Variants in SMO observed in about 807,000 individuals in gnomAD.
SMO encodes smoothened, frizzled class receptor, also known as protein smoothened.
A neutral mutation model predicts 81.6 loss-of-function variants in SMO; 40 were observed. The observed-to-expected ratio is 0.49, with a 90% CI of 0.38 to 0.64. The LOEUF is 0.64. Ranked by LOEUF, SMO falls within the 30% of genes least tolerant of loss-of-function variation. The pLI is 0.00. For synonymous variants in SMO, 434 were observed against 432.1 expected (o/e 1.00, Z -0.05); for missense variants, 916 against 1,061.1 (o/e 0.86, Z 1.90).
Position 129,210,174 on chromosome 7 carries a change from AC to A in SMO, c.1467-185del. The A allele has an allele frequency of 1.8e-6, 1 of 562,000 alleles. No individual in the cohort carries two copies. 34.8% of individuals were successfully genotyped at this position (562,000 alleles called of 1,614,324 possible). A position where few individuals can be genotyped will look rare whatever the true frequency, so the allele number is the denominator to read the frequency against. On this transcript the variant is annotated intron_variant, in intron 8 of 11. Coordinates refer to ENST00000249373, the MANE Select transcript of SMO (RefSeq NM_005631.5). The surrounding 1 kb of genome is among the most constrained non-coding windows in gnomAD (Gnocchi z 4.7). The stretch of plus-strand genomic sequence containing the variant: ...TGAGTCTACCCAGTAGACTCAGAAA[AC>A]CCCACCTGTAGTCCCAGCTACTTGG...
rs774086868 is a variant in SMO, at chr7:129,212,221, T to C, written c.2134T>C (p.Cys712Arg). The change falls in exon 12 of 12, where the codon TGC becomes CGC. Residue 712 changes from cysteine (C) to arginine (R), a missense_variant. Coordinates refer to ENST00000249373, the MANE Select transcript of SMO (RefSeq NM_005631.5). The surrounding 1 kb of genome is among the most constrained non-coding windows in gnomAD (Gnocchi z 5.0). ...ACTGCCTCAGCTGCCCCGGCAGAAA[T>C]GCCTGGTGGCTGCAGGTGCCTGGGG... The part of the protein sequence containing the change: ...PRLPQLPRQK[C>R]LVAAGAWGAG... 11 of 1,581,674 alleles carry C rather than the reference T, an allele frequency of 7.0e-6. No individual in the cohort carries two copies. Among genetic ancestry groups the C allele is most frequent in the Non-Finnish European group, 9.5e-6 (11 of 1,163,772 alleles).
chr7:129,212,076 A>G lies in SMO; in HGVS notation c.1989A>G (p.Pro663=), dbSNP rs750263640. ...GGCTGGTTGAGGCAGAGATCTCCCC[A>G]GAGCTGCAGAAGCGCCTGGGCCGGA... ...NLWLVEAEIS[P]ELQKRLGRKK... is the part of the protein sequence containing the mutation. The change falls in exon 12 of 12, where the codon CCA becomes CCG. Residue 663 remains proline (P), a synonymous_variant. Transcript: ENST00000249373. The surrounding 1 kb of genome is among the most constrained non-coding windows in gnomAD (Gnocchi z 5.0). 17 of 1,588,226 alleles carry G rather than the reference A, an allele frequency of 1.1e-5. No individual in the cohort carries two copies. The African/African-American group carries it at 1.7e-4, about 16-fold the overall frequency.
In SMO at chr7:129,199,110, T is replaced by A. The variant is rs552743790; in HGVS notation, c.332-4274T>A. 5.3e-5 allele frequency among the ~76,000 whole-genome samples: 8 copies of A among 152,256 alleles called. No homozygotes were observed. The South Asian group carries it at 1.7e-3, about 32-fold the overall frequency. On this transcript the variant is annotated intron_variant, in intron 1 of 11. Transcript: ENST00000249373. ...AGTGATCTCCACAAGTGTTTACTAA[T>A]TTTTATTCCTACCAACAAATATAAA...
chr7:129,203,589 G>C lies in SMO; in HGVS notation c.537G>C (p.Thr179=), dbSNP rs755206422. ...CTGACCGCTTCCCTGAAGGCTGCAC[G>C]GTGAGTGCTCTGTGAGACAAGGTCC... is the stretch of plus-strand genomic sequence containing the variant. ...CTPDRFPEGC[T]NEVQNIKFNS... Residue 179 remains threonine, a splice_region_variant and synonymous_variant, in exon 2 of 12, where the codon ACG becomes ACC. Coordinates refer to ENST00000249373, the MANE Select transcript of SMO (RefSeq NM_005631.5). 2 of 1,595,656 alleles carry C rather than the reference G, an allele frequency of 1.3e-6. No individual in the cohort carries two copies. Among genetic ancestry groups the C allele is most frequent in the African/African-American group, 1.3e-5 (1 of 74,886 alleles).
At position 129,206,907 on chromosome 7, in the gene SMO, C is replaced by T. The variant is rs113826743; in HGVS notation, c.1264+320C>T. Among the ~76,000 whole-genome samples, 5 of 152,132 alleles carry T rather than the reference C, an allele frequency of 3.3e-5. No homozygotes were observed. Among genetic ancestry groups the T allele is most frequent in the African/African-American group, 1.2e-4 (5 of 41,426 alleles). On this transcript the variant is annotated intron_variant, in intron 6 of 11. Coordinates refer to ENST00000249373, the MANE Select transcript of SMO (RefSeq NM_005631.5). The surrounding 1 kb of genome is among the most constrained non-coding windows in gnomAD (Gnocchi z 4.4). ...TTGCCCAGGCTGGAGTGCAGTGGCA[C>T]AATCTTGGCTCACTGCAACCTTCGC...
Position 129,212,213 on chromosome 7 carries a change from G to T in SMO, c.2126G>T (p.Arg709Leu), listed in dbSNP as rs369342481. 6.4e-7 allele frequency: 1 copy of T among 1,573,648 alleles called. No homozygotes were observed. The highest frequency in any genetic ancestry group is 1.9e-5 in the Admixed American group (1 of 53,182). The part of the protein sequence containing the change: ...STIPRLPQLP[R>L]QKCLVAAGAW... ...ATTCCTCGACTGCCTCAGCTGCCCC[G>T]GCAGAAATGCCTGGTGGCTGCAGGT... The change falls in exon 12 of 12, where the codon CGG becomes CTG. Residue 709 changes from arginine to leucine, a missense_variant. Arg to Leu is a moderately radical substitution (Grantham distance 102). Coordinates refer to ENST00000249373, the MANE Select transcript of SMO (RefSeq NM_005631.5). This position sits in a 1 kb window ranked among gnomAD's most constrained non-coding sequence, Gnocchi z 5.0.
rs772837215 is a variant in SMO at position 129,200,163 on chromosome 7, G to A, written c.332-3221G>A. 8.5e-5 allele frequency among the ~76,000 whole-genome samples: 13 copies of A among 152,192 alleles called. 1 individual carries two copies. In the South Asian group the frequency reaches 1.2e-3, roughly 15 times the overall value. On this transcript the variant is annotated intron_variant, in intron 1 of 11. Transcript: ENST00000249373. ...CTGGCCAGGCGTGGTGGCTCACGCC[G>A]TAATCCCACTTTGGGAGACCGAGGC...
rs1793458975 is a variant in SMO at position 129,189,989 on chromosome 7, A to T, written c.331+507A>T. ...GGAAAAGAAACCTCCCTAGTGATGA[A>T]TTATTAAAAGGTAACCAGAAAGTTC... On this transcript the variant is annotated intron_variant, in intron 1 of 11. Transcript: ENST00000249373. This position sits in a 1 kb window ranked among gnomAD's most constrained non-coding sequence, Gnocchi z 4.7. Among the ~76,000 whole-genome samples, 1 of 152,118 alleles carries T rather than the reference A, an allele frequency of 6.6e-6. No individual in the cohort carries two copies. Among genetic ancestry groups the T allele is most frequent in the Admixed American group, 6.5e-5 (1 of 15,276 alleles).
Position 129,205,659 on chromosome 7 carries a change from T to G in SMO, c.797T>G (p.Ile266Ser), listed in dbSNP as rs1320851344. The change falls in exon 4 of 12, where the codon ATT becomes AGT. Residue 266 changes from isoleucine (I) to serine (S), a missense_variant. Physicochemically the swap from Ile to Ser is moderately radical, Grantham distance 142 (BLOSUM62 -2). Coordinates refer to ENST00000249373, the MANE Select transcript of SMO (RefSeq NM_005631.5). ...AACTCGAATCGCTACCCTGCTGTTA[T>G]TCTCTTCTACGTCAATGCGTGCTTC... is the stretch of plus-strand genomic sequence containing the variant. ...WRNSNRYPAVILFYVNACFFV... is the reference protein window; with the variant it reads ...WRNSNRYPAVSLFYVNACFFV... 1 of 1,614,114 alleles carries G rather than the reference T, an allele frequency of 6.2e-7. No homozygotes were observed. Among genetic ancestry groups the G allele is most frequent in the Non-Finnish European group, 8.5e-7 (1 of 1,180,008 alleles).
chr7:129,212,157 GC>G lies in SMO; in HGVS notation c.2071del (p.Leu691PhefsTer85). 6.4e-7 allele frequency: 1 copy of G among 1,556,346 alleles called. No individual in the cohort carries two copies. Among genetic ancestry groups the G allele is most frequent in the Non-Finnish European group, 8.7e-7 (1 of 1,149,976 alleles). On this transcript the variant is annotated frameshift_variant, in exon 12 of 12. Coordinates refer to ENST00000249373, the MANE Select transcript of SMO (RefSeq NM_005631.5). LOFTEE classifies it high-confidence loss of function. The surrounding 1 kb of genome is among the most constrained non-coding windows in gnomAD (Gnocchi z 5.0). ...EVCPLAPPPE[L>X]HPPAPAPSTI... ...TGTGCCCGCTGGCGCCGCCCCCTGA[GC>G]TTCACCCCCCTGCCCCTGCCCCCAG...
At chr7:129,190,259 C>T (rs188871045) in intron 1 of SMO, among the ~76,000 whole-genome samples, 1 of 152,282 alleles carries the variant, frequency 6.6e-6, no homozygotes, top group East Asian at 1.9e-4. Context: ...GTGGACACTT[C>T]CATGGTGGTT....
At chr7:129,193,785 A>AAAATATATATATATAT (rs1563145734) in intron 1 of SMO, among the ~76,000 whole-genome samples, 1 of 26,348 alleles carries the variant, frequency 3.8e-5, no homozygotes, top group Non-Finnish European at 6.3e-5. Flanking sequence ...AAAAAAAAAA[A>AAAATATATATATATAT]ATATATATAT....
chr7:129,188,778 C>T lies in SMO; in HGVS notation c.-374C>T, dbSNP rs1793434410. On this transcript the variant is annotated 5_prime_UTR_variant, in exon 1 of 12. Coordinates refer to ENST00000249373, the MANE Select transcript of SMO (RefSeq NM_005631.5). The surrounding 1 kb of genome is among the most constrained non-coding windows in gnomAD (Gnocchi z 4.9). ...GGAGCCGGAGCTGCACTCGCACCCC[C>T]GGCCCGCGTCTGGCCTCCCTCGCGG... 3 of 202,022 alleles carry T rather than the reference C, an allele frequency of 1.5e-5. No individual in the cohort carries two copies. The highest frequency in any genetic ancestry group is 2.0e-5 in the Non-Finnish European group (2 of 98,598). The allele number at this position is 202,022 out of a possible 1,614,324, so 12.5% of individuals were successfully genotyped here.
At position 129,206,896 on chromosome 7, in the gene SMO, G is replaced by C. The variant is rs1239206953; in HGVS notation, c.1264+309G>C. Reference sequence around the variant, plus strand: ...GTCTAGCTCTGTTGCCCAGGCTGGAGTGCAGTGGCACAATCTTGGCTCACT... The same window carrying C: ...GTCTAGCTCTGTTGCCCAGGCTGGACTGCAGTGGCACAATCTTGGCTCACT... On this transcript the variant is annotated intron_variant, in intron 6 of 11. Transcript: ENST00000249373. This position sits in a 1 kb window ranked among gnomAD's most constrained non-coding sequence, Gnocchi z 4.4. 6.6e-6 allele frequency among the ~76,000 whole-genome samples: 1 copy of C among 152,172 alleles called. No individual in the cohort carries two copies. Among genetic ancestry groups the C allele is most frequent in the Non-Finnish European group, 1.5e-5 (1 of 68,040 alleles).
At position 129,206,533 on chromosome 7, in the gene SMO, G is replaced by A. The variant is rs1044964080; in HGVS notation, c.1210G>A (p.Val404Met). 8 of 1,614,064 alleles carry A rather than the reference G, an allele frequency of 5.0e-6. No individual in the cohort carries two copies. Among genetic ancestry groups the A allele is most frequent in the Admixed American group, 3.3e-5 (2 of 60,002 alleles). The stretch of plus-strand genomic sequence containing the variant: ...GAACTACCGATACCGTGCGGGCTTC[G>A]TGCTGGCCCCAATCGGCCTGGTGCT... Reference protein sequence around the residue: ...YKNYRYRAGFVLAPIGLVLIV... With the variant: ...YKNYRYRAGFMLAPIGLVLIV... The change falls in exon 6 of 12, where the codon GTG becomes ATG. Residue 404 changes from valine to methionine, a missense_variant. Val to Met is a conservative substitution (Grantham distance 21, BLOSUM62 1). Around this residue, in one of 4 missense-constraint regions of SMO, gnomAD observed 436 missense variants for 570.9 expected, o/e 0.76. Transcript: ENST00000249373. The surrounding 1 kb of genome is among the most constrained non-coding windows in gnomAD (Gnocchi z 4.4).
In SMO at chr7:129,212,957, T is replaced by G; in HGVS notation, c.*506T>G. On this transcript the variant is annotated 3_prime_UTR_variant, in exon 12 of 12. Coordinates refer to ENST00000249373, the MANE Select transcript of SMO (RefSeq NM_005631.5). The surrounding 1 kb of genome is among the most constrained non-coding windows in gnomAD (Gnocchi z 5.0). ...GTCTAAGTAGGGCCAGGGCACCGTA[T>G]TCCTCTCCCAGGTGTTTGTGGGGCT... 1 of 262,932 alleles carries G rather than the reference T, an allele frequency of 3.8e-6. No individual in the cohort carries two copies. The highest frequency in any genetic ancestry group is 7.3e-6 in the Non-Finnish European group (1 of 137,654). 16.3% of individuals were successfully genotyped at this position (262,932 alleles called of 1,614,324 possible). A position where few individuals can be genotyped will look rare whatever the true frequency, so the allele number is the denominator to read the frequency against.
At chr7:129,195,967 G>C (rs1584655332) in intron 1 of SMO, among the ~76,000 whole-genome samples, 1 of 151,842 alleles carries the variant, frequency 6.6e-6, no homozygotes, top group Non-Finnish European at 1.5e-5. Flanking sequence ...CGGGCGCGGT[G>C]GTGGGCGCCT....
In SMO at chr7:129,211,700, C is replaced by T. The variant is rs1298983052; in HGVS notation, c.1866C>T (p.Val622=). 1 of 1,613,880 alleles carries T rather than the reference C, an allele frequency of 6.2e-7. No homozygotes were observed. The highest frequency in any genetic ancestry group is 2.2e-5 in the East Asian group (1 of 44,866). ...TCTCCTCTGCCTGGGCCCAGCATGT[C>T]ACCAAGATGGTGGCTCGGAGAGGAG... is the stretch of plus-strand genomic sequence containing the variant. ...ADVSSAWAQH[V]TKMVARRGAI... The change falls in exon 11 of 12, where the codon GTC becomes GTT. Residue 622 remains valine (V), a synonymous_variant. Transcript: ENST00000249373. The surrounding 1 kb of genome is among the most constrained non-coding windows in gnomAD (Gnocchi z 4.6).
At chr7:129,190,997 C>T (rs73721526) in intron 1 of SMO, among the ~76,000 whole-genome samples, 15,391 of 151,944 alleles carry the variant, frequency 0.1, 887 homozygotes, top group African/African-American at 0.15. Flanking sequence ...AAAAGAACAC[C>T]AAAGTGAGAT....
Sources: allele counts gnomAD v4.1 joint callset (sites outside exome capture counted in the v4.1 genomes callset), GRCh38; gene constraint gnomAD v4.1.1; regional missense constraint gnomAD v4.1.1; non-coding constraint Gnocchi (gnomAD v3.1); transcripts MANE v1.5; gene names NCBI Gene and HGNC (gene_info 2026-07-23, HGNC 2026-07-21).